CPVL: variants seen among roughly 807,000 people sequenced by gnomAD.
The protein encoded by CPVL is carboxypeptidase vitellogenic like.
CPVL carries 51 observed loss-of-function variants against 63.7 expected under a neutral mutation model. That is an observed-to-expected ratio of 0.80 (90% CI 0.64 to 1.01). The LOEUF (loss-of-function observed/expected upper bound fraction) is 1.01. Among genes scored for constraint, CPVL ranks in the 50% least tolerant of loss-of-function variants. The probability of loss-of-function intolerance (pLI) is 0.00; values close to 1 mark genes in which losing one functional copy is unlikely to be tolerated. For synonymous variants in CPVL, 195 were observed against 206.0 expected (o/e 0.95, Z 0.46); for missense variants, 530 against 573.1 (o/e 0.92, Z 0.77).
intron 5 of CPVL, among the ~76,000 whole-genome samples, chr7:29,157,485 T>C (rs1794563732): frequency 6.6e-6 from 1 of 152,232 alleles, no homozygotes; most frequent in Non-Finnish European, 1.5e-5. Context: ...CAGTGGCTTA[T>C]TCACAGTCTC....
intron 3 of CPVL, among the ~76,000 whole-genome samples, chr7:29,103,434 TA>T (rs1787414837): frequency 7.0e-6 from 1 of 142,860 alleles, no homozygotes; most frequent in Non-Finnish European, 1.5e-5. Flanking sequence ...TTTGTATTTT[TA>T]GTAGAGATGG....
intron 7 of CPVL, 66 bp downstream of exon 7, chr7:29,086,418 A>G: frequency 9.0e-7 from 1 of 1,105,880 alleles, no homozygotes; most frequent in Non-Finnish European, 1.4e-6. Context: ...TGAACAAACT[A>G]CACTCATAAT....
At chr7:29,091,334 A>G (rs578082671) in intron 6 of CPVL, among the ~76,000 whole-genome samples, 1 of 151,968 alleles carries the variant, frequency 6.6e-6, no homozygotes, top group Admixed American at 6.6e-5. Context: ...TCTTCAATAC[A>G]GAACCTCTGC....
chr7:29,046,451 G>A (rs1210164862), intron 11 of CPVL, among the ~76,000 whole-genome samples: 3 of 152,128 alleles, frequency 2.0e-5, no homozygotes, highest in Non-Finnish European at 4.4e-5. Context: ...AAGCACAAGT[G>A]CAAGTAAGAA....
In CPVL at chr7:29,048,522, C is replaced by A. The variant is rs554179246; in HGVS notation, c.1137+15539G>T. On this transcript the variant is annotated intron_variant, in intron 11 of 12. Transcript: ENST00000265394. ...CATATGCACCTAACAGTGGAGCTCC[C>A]AAATTTATAAAACAATTACTAATAG... 2.6e-5 allele frequency among the ~76,000 whole-genome samples: 4 copies of A among 152,058 alleles called. No individual in the cohort carries two copies. The South Asian group carries it at 8.3e-4, about 32-fold the overall frequency.
intron 12 of CPVL, chr7:29,009,506 G>A (rs1052802169): frequency 1.3e-5 from 2 of 152,210 alleles, no homozygotes; most frequent in South Asian, 2.1e-4. Context: ...AATGTCCATC[G>A]GCAGTGGAAT....
chr7:29,094,857 A>G (rs1786235445), intron 5 of CPVL, among the ~76,000 whole-genome samples: 1 of 152,192 alleles, frequency 6.6e-6, no homozygotes, highest in Non-Finnish European at 1.5e-5. Context: ...ATAGAAAAAA[A>G]AAAAATGAGG....
intron 3 of CPVL, among the ~76,000 whole-genome samples, chr7:29,104,619 T>C (rs1787540965): frequency 6.6e-6 from 1 of 152,180 alleles, no homozygotes; most frequent in Non-Finnish European, 1.5e-5. Flanking sequence ...CTGACTCTCA[T>C]CAAGTTTTGG....
intron 7 of CPVL, 124 bp from the exon 8 acceptor site, chr7:29,072,547 T>G (rs184606605): frequency 9.3e-7 from 1 of 1,070,612 alleles, no homozygotes; most frequent in African/African-American, 1.6e-5. Context: ...CATCTGTTTC[T>G]TAACCCCACA....
chr7:29,146,684 G>A (rs1792738602), upstream of CPVL: 2 of 1,550,538 alleles, frequency 1.3e-6, no homozygotes, highest in African/African-American at 1.4e-5. Flanking sequence ...GCTGGAAGAA[G>A]CAAGCAGCCC....
chr7:29,098,082 C>T (rs933431395), intron 3 of CPVL, among the ~76,000 whole-genome samples: 1 of 152,184 alleles, frequency 6.6e-6, no homozygotes, highest in African/African-American at 2.4e-5. Context: ...GATCCCCTGG[C>T]TTCAGCCCAG....
intron 3 of CPVL, among the ~76,000 whole-genome samples, chr7:29,098,406 A>G (rs941996987): frequency 6.6e-6 from 1 of 152,196 alleles, no homozygotes; most frequent in Non-Finnish European, 1.5e-5. Context: ...AAGAATGGCC[A>G]TGAGCTGGGG....
At chr7:29,065,975 G>C (rs981621990) in intron 10 of CPVL, 48 bp downstream of exon 10, 11 of 1,163,910 alleles carry the variant, frequency 9.5e-6, no homozygotes, top group Non-Finnish European at 1.3e-5. Flanking sequence ...GTTCGGTTTT[G>C]CCAAAAGTTT....
intron 5 of CPVL, among the ~76,000 whole-genome samples, chr7:29,177,727 C>T (rs1427365757): frequency 6.6e-6 from 1 of 151,974 alleles, no homozygotes; most frequent in African/African-American, 2.4e-5. Flanking sequence ...TCCACTTTAC[C>T]AGCTATACCC....
chr7:29,164,865 G>A (rs566408306), intron 5 of CPVL, among the ~76,000 whole-genome samples: 3 of 151,734 alleles, frequency 2.0e-5, no homozygotes, highest in South Asian at 4.2e-4. Context: ...ATATGTGTGG[G>A]TCTGTTTCTA....
At chr7:29,147,921 A>C (rs1034592349), upstream of CPVL, among the ~76,000 whole-genome samples, 2 of 152,244 alleles carry the variant, frequency 1.3e-5, no homozygotes, top group Admixed American at 1.3e-4. Context: ...GATGATCTGC[A>C]CTTAAATATG....
rs1783985337 is a variant in CPVL at position 28,995,713 on chromosome 7, T to C, written c.*59A>G. 9.9e-7 allele frequency: 1 copy of C among 1,013,174 alleles called. No homozygotes were observed. Among genetic ancestry groups the C allele is most frequent in the Admixed American group, 2.5e-5 (1 of 40,546 alleles). The allele number at this position is 1,013,174 out of a possible 1,614,324, so 62.8% of individuals were successfully genotyped here. The stretch of plus-strand genomic sequence containing the variant: ...TTTTTTATTCCTATGACATTTTCTG[T>C]TTTTACGATTTTCTTTTCAGCAATG... On this transcript the variant is annotated 3_prime_UTR_variant, in exon 13 of 13. Coordinates refer to ENST00000265394, the MANE Select transcript of CPVL (RefSeq NM_031311.5).
chr7:29,044,556 C>A (rs1045518160), intron 11 of CPVL, among the ~76,000 whole-genome samples: 2 of 152,152 alleles, frequency 1.3e-5, no homozygotes, highest in Non-Finnish European at 2.9e-5. Flanking sequence ...CCCAGTGATT[C>A]CCAGTGGCCC....
At chr7:29,091,510 C>T (rs933284869) in intron 6 of CPVL, among the ~76,000 whole-genome samples, 2 of 152,094 alleles carry the variant, frequency 1.3e-5, no homozygotes, top group Non-Finnish European at 2.9e-5. Flanking sequence ...GACTGCCGTC[C>T]GTTACGTCTG....
Sources: allele counts gnomAD v4.1 joint callset (sites outside exome capture counted in the v4.1 genomes callset), GRCh38; gene constraint gnomAD v4.1.1; transcripts MANE v1.5; gene names NCBI Gene and HGNC (gene_info 2026-07-23, HGNC 2026-07-21).